PCDHA4: variants seen among roughly 807,000 people sequenced by gnomAD.
PCDHA4 encodes the protein protocadherin alpha-4.
PCDHA4 carries 49 observed loss-of-function variants against 61.4 expected under a neutral mutation model. The ratio of observed to expected loss-of-function variants is 0.80; its 90% CI spans 0.63 to 1.01. The LOEUF is 1.01. Ranked by LOEUF, PCDHA4 falls within the 50% of genes least tolerant of loss-of-function variation. PCDHA4 has a pLI of 0.00. For synonymous variants in PCDHA4, 590 were observed against 550.3 expected (o/e 1.07, Z -1.01); for missense variants, 1,254 against 1,235.8 (o/e 1.01, Z -0.22).
At chr5:140,972,540 T>C (rs1375467339) in intron 1 of PCDHA4, among the ~76,000 whole-genome samples, 1 of 152,148 alleles carries the variant, frequency 6.6e-6, no homozygotes, top group East Asian at 1.9e-4. Context: ...AAATCACTTG[T>C]GCAGTGAGGA....
chr5:141,008,286 A>G (rs944894226), intron 3 of PCDHA4, among the ~76,000 whole-genome samples: 1 of 152,248 alleles, frequency 6.6e-6, no homozygotes, highest in Admixed American at 6.5e-5. Flanking sequence ...TTGAAATAGC[A>G]GTTGTACCCA....
At chr5:140,890,596 C>T (rs1236261988) in intron 1 of PCDHA4, among the ~76,000 whole-genome samples, 5 of 152,064 alleles carry the variant, frequency 3.3e-5, no homozygotes, top group African/African-American at 1.2e-4. Context: ...AGCCCTTTTC[C>T]GAATAGCTAG....
At chr5:140,823,461 G>A in intron 1 of PCDHA4, 1 of 1,613,442 alleles carries the variant, frequency 6.2e-7, no homozygotes. Flanking sequence ...ACAACGCGCC[G>A]GCGCTGCTGG....
At chr5:140,881,931 G>T in intron 1 of PCDHA4, 1 of 276,824 alleles carries the variant, frequency 3.6e-6, no homozygotes, top group South Asian at 8.8e-5. Flanking sequence ...GCAGTGATTT[G>T]CTGTTTCTGG....
At chr5:140,927,376 A>G (rs1554204440) in intron 1 of PCDHA4, 13 of 1,614,094 alleles carry the variant, frequency 8.1e-6, no homozygotes, top group East Asian at 2.2e-5. Context: ...ACTAAGCTAC[A>G]GCCTAAGCCC....
At chr5:140,957,895 A>G (rs1169291586) in intron 1 of PCDHA4, among the ~76,000 whole-genome samples, 1 of 152,118 alleles carries the variant, frequency 6.6e-6, no homozygotes, top group African/African-American at 2.4e-5. Flanking sequence ...GTTGGCATCA[A>G]CCAAGGCATA....
At chr5:140,976,316 C>T (rs1336395893) in intron 1 of PCDHA4, among the ~76,000 whole-genome samples, 17 of 152,002 alleles carry the variant, frequency 1.1e-4, no homozygotes, top group Admixed American at 1.0e-3. Context: ...TTTGGGAGGC[C>T]GAGGAGGGTG....
At chr5:140,887,994 C>T (rs1168995086) in intron 1 of PCDHA4, among the ~76,000 whole-genome samples, 1 of 152,016 alleles carries the variant, frequency 6.6e-6, no homozygotes, top group Non-Finnish European at 1.5e-5. Flanking sequence ...ATGTCTCCAC[C>T]GAATAGTCAT....
At chr5:140,903,269 G>A (rs1251669520) in intron 1 of PCDHA4, among the ~76,000 whole-genome samples, 4 of 152,140 alleles carry the variant, frequency 2.6e-5, no homozygotes, top group African/African-American at 4.8e-5. Context: ...CAGGAGTGAG[G>A]TAGTGTCTCA....
At chr5:140,858,172 G>A (rs1554151243) in intron 1 of PCDHA4, 1 of 1,597,816 alleles carries the variant, frequency 6.3e-7, no homozygotes, top group South Asian at 1.1e-5. Context: ...TGTCCAGCTT[G>A]CTGGTGCTCA....
intron 1 of PCDHA4, 33 bp downstream of exon 1, chr5:140,809,605 G>C (rs1414368210): frequency 5.2e-6 from 8 of 1,524,772 alleles, no homozygotes; most frequent in Non-Finnish European, 7.0e-6. Flanking sequence ...TTTAATTTTC[G>C]TATTGTTTTT....
chr5:140,810,036 T>C (rs1184340137), intron 1 of PCDHA4: 7 of 154,932 alleles, frequency 4.5e-5, no homozygotes, highest in Admixed American at 4.5e-4. Flanking sequence ...ACATTTGCCT[T>C]TTATAACTGT....
rs1190027185 is a variant in PCDHA4, at chr5:140,882,058, C to T, written c.2385+72486C>T. On this transcript the variant is annotated intron_variant, in intron 1 of 3. Transcript: ENST00000530339. ...GAAGACTGAGTCATACTTACACTTA[C>T]ACGTTCATGCGCATGGTGTCGCTCT... is the stretch of plus-strand genomic sequence containing the variant. 1.0e-5 allele frequency: 8 copies of T among 794,854 alleles called. No individual in the cohort carries two copies. The Admixed American group carries it at 2.4e-4, about 24-fold the overall frequency. The allele number at this position is 794,854 out of a possible 1,614,324, so 49.2% of individuals were successfully genotyped here.
chr5:140,849,032 C>T (rs2040752468), intron 1 of PCDHA4: 1 of 1,579,200 alleles, frequency 6.3e-7, no homozygotes, highest in Non-Finnish European at 8.6e-7. Flanking sequence ...AGTATTTCTT[C>T]CTGGACGTGC....
chr5:140,957,438 A>T (rs1554222966), intron 1 of PCDHA4, among the ~76,000 whole-genome samples: 1 of 152,216 alleles, frequency 6.6e-6, no homozygotes, highest in Non-Finnish European at 1.5e-5. Context: ...TGCCTAATTT[A>T]TAAATCACAC....
intron 1 of PCDHA4, among the ~76,000 whole-genome samples, chr5:140,941,246 T>C (rs1332165821): frequency 7.1e-6 from 1 of 141,078 alleles, no homozygotes; most frequent in East Asian, 2.0e-4. Flanking sequence ...TTTCTTTCTT[T>C]CTTTCTTTCT....
At chr5:140,869,316 T>A in intron 1 of PCDHA4, 1 of 1,613,748 alleles carries the variant, frequency 6.2e-7, no homozygotes, top group Non-Finnish European at 8.5e-7. Context: ...CCAAAACACA[T>A]GGGGACCTTC....
At position 140,808,627 on chromosome 5, in the gene PCDHA4, G is replaced by A. The variant is rs1206477664; in HGVS notation, c.1440G>A (p.Trp480Ter). ...GCCACATCTTCACTGTGTCTGCGTG[G>A]GACGCGGACGCGCAGGAGAACGCGC... ...PGCHIFTVSAWDADAQENALV... is the reference protein window; with the variant it reads ...PGCHIFTVSA The change falls in exon 1 of 4, where the codon TGG (tryptophan) becomes TGA (stop). Residue 480 changes from tryptophan to a stop codon, truncating the protein, a stop_gained. Transcript: ENST00000530339. LOFTEE classifies it high-confidence loss of function. 8.1e-6 allele frequency: 13 copies of A among 1,613,504 alleles called. No individual in the cohort carries two copies. Among genetic ancestry groups the A allele is most frequent in the East Asian group, 2.2e-5 (1 of 44,896 alleles).
At position 140,808,069 on chromosome 5, in the gene PCDHA4, C is replaced by T. The variant is rs781875261; in HGVS notation, c.882C>T (p.His294=). 4 of 1,613,996 alleles carry T rather than the reference C, an allele frequency of 2.5e-6. No individual in the cohort carries two copies. Among genetic ancestry groups the T allele is most frequent in the South Asian group, 2.2e-5 (2 of 91,072 alleles). The change falls in exon 1 of 4, where the codon CAC becomes CAT. Residue 294 remains histidine (H), a synonymous_variant. Coordinates refer to ENST00000530339, the MANE Select transcript of PCDHA4 (RefSeq NM_018907.4). Reference sequence around the variant, plus strand: ...CGCCAAATGTGAAATCCAAGTTTCACATAGATCCAATTACTGGACAAATTA... The same window carrying T: ...CGCCAAATGTGAAATCCAAGTTTCATATAGATCCAATTACTGGACAAATTA... ...DISPNVKSKF[H]IDPITGQIIV... is the part of the protein sequence containing the mutation.
Sources: allele counts gnomAD v4.1 joint callset (sites outside exome capture counted in the v4.1 genomes callset), GRCh38; gene constraint gnomAD v4.1.1; transcripts MANE v1.5; gene names NCBI Gene and HGNC (gene_info 2026-07-23, HGNC 2026-07-21).